Variants in NAA60 observed in about 807,000 individuals in gnomAD.
NAA60 encodes the protein N-alpha-acetyltransferase 60, NatF catalytic subunit, also known as N-alpha-acetyltransferase 60.
In NAA60, 8 loss-of-function variants were observed where a neutral mutation model predicts 26.1. That is an observed-to-expected ratio of 0.31 (90% confidence interval 0.18 to 0.55). The LOEUF is 0.55. Among genes scored for constraint, NAA60 ranks in the 20% least tolerant of loss-of-function variants. The pLI is 0.93. For missense variants in NAA60, 290 were observed against 311.3 expected (o/e 0.93, Z 0.51); for synonymous variants, 131 against 122.5 (o/e 1.07, Z -0.46).
intron 2 of NAA60, among the ~76,000 whole-genome samples, chr16:3,452,851 A>G (rs1236711800): frequency 2.6e-5 from 4 of 151,940 alleles, no homozygotes; most frequent in African/African-American, 7.3e-5. Context: ...GCTACTGGGG[A>G]GGCTGAGGTG....
rs995429949 is a variant in NAA60 at position 3,477,404 on chromosome 16, C to T, written c.110+1067C>T. ...TGTTCACCTCAGACTGACTGAACCTCATGCTCTTGGCAGGGCGGTGGCAGG... is the reference window on the plus strand; with the variant it reads ...TGTTCACCTCAGACTGACTGAACCTTATGCTCTTGGCAGGGCGGTGGCAGG... On this transcript the variant is annotated intron_variant, in intron 3 of 7. Coordinates refer to ENST00000407558, the MANE Select transcript of NAA60 (RefSeq NM_001083601.3). 2.6e-5 allele frequency among the ~76,000 whole-genome samples: 4 copies of T among 152,252 alleles called. No individual in the cohort carries two copies. In the East Asian group the frequency reaches 5.8e-4, roughly 22 times the overall value.
intron 2 of NAA60, among the ~76,000 whole-genome samples, chr16:3,457,744 G>T (rs1165340934): frequency 6.6e-6 from 1 of 152,164 alleles, no homozygotes; most frequent in African/African-American, 2.4e-5. Flanking sequence ...GCGGGACCTC[G>T]GCCCGGAAAC....
At chr16:3,448,583 A>G (rs779603801) in intron 2 of NAA60, 43 bp downstream of exon 2, 494 of 1,483,084 alleles carry the variant, frequency 3.3e-4, no homozygotes, top group Non-Finnish European at 4.2e-4. Flanking sequence ...TGATGCCCTC[A>G]TAGTCAGAGG....
chr16:3,481,574 T>G (rs944846621), intron 4 of NAA60, among the ~76,000 whole-genome samples: 11 of 152,164 alleles, frequency 7.2e-5, no homozygotes, highest in Non-Finnish European at 4.4e-5. Flanking sequence ...ATGGGGACCC[T>G]TTGGCTCATG....
Position 3,463,703 on chromosome 16 carries a change from T to TA in NAA60, c.-6-12503dup, listed in dbSNP as rs200567821. Among the ~76,000 whole-genome samples the TA allele has an allele frequency of 4.3e-3, 622 of 144,332 alleles. 1 individual carries two copies. The highest frequency in any genetic ancestry group is 0.012 in the African/African-American group (458 of 38,812). The allele number at this position is 144,332 out of a possible 152,430, so 94.7% of individuals were successfully genotyped here. On this transcript the variant is annotated intron_variant, in intron 2 of 7. Transcript: ENST00000407558. ...AACATAGGGAGACCCAGTCTCTACT[T>TA]AAAAAAAAAAAAAAAATTCAACCTA...
chr16:3,473,817 C>A (rs575730478), intron 2 of NAA60, among the ~76,000 whole-genome samples: 1 of 152,150 alleles, frequency 6.6e-6, no homozygotes, highest in African/African-American at 2.4e-5. Flanking sequence ...TCACTGCAAC[C>A]TCTGCTTCTT....
At chr16:3,471,083 C>G (rs2036109289) in intron 2 of NAA60, among the ~76,000 whole-genome samples, 1 of 152,166 alleles carries the variant, frequency 6.6e-6, no homozygotes, top group Non-Finnish European at 1.5e-5. Context: ...TCTTGAAATT[C>G]ACACTGGAAA....
In NAA60 at chr16:3,482,470, G is replaced by A. The variant is rs375843400; in HGVS notation, c.241-32G>A. 867 of 1,542,866 alleles carry A rather than the reference G, an allele frequency of 5.6e-4. 1 individual carries two copies. The highest frequency in any genetic ancestry group is 5.6e-4 in the Non-Finnish European group (631 of 1,132,426). On this transcript the variant is annotated intron_variant, in intron 4 of 7. Transcript: ENST00000407558. Reference sequence around the variant, plus strand: ...GCAGTGAGCCGTGCACCAGACGTGTGAGCCTGACTTTCTCTCTGACTCTTC... The same window carrying A: ...GCAGTGAGCCGTGCACCAGACGTGTAAGCCTGACTTTCTCTCTGACTCTTC...
chr16:3,483,824 C>T (rs1020137432), intron 6 of NAA60: 2 of 546,484 alleles, frequency 3.7e-6, no homozygotes, highest in Admixed American at 7.1e-5. Context: ...AACTCCTAAG[C>T]TCAAATGATC....
intron 2 of NAA60, among the ~76,000 whole-genome samples, chr16:3,470,320 C>G (rs1183034490): frequency 6.6e-6 from 1 of 152,234 alleles, no homozygotes; most frequent in Admixed American, 6.5e-5. Context: ...AGGTACACCT[C>G]CCAGCCTGTA....
chr16:3,478,075 A>T lies in NAA60; in HGVS notation c.111-1396A>T, dbSNP rs911939834. 2.3e-4 allele frequency among the ~76,000 whole-genome samples: 35 copies of T among 149,484 alleles called. 2 individuals are homozygous for T. On this transcript the variant is annotated intron_variant, in intron 3 of 7. Coordinates refer to ENST00000407558, the MANE Select transcript of NAA60 (RefSeq NM_001083601.3). ...GAGACTCTGTCTCAAAATAATAATA[A>T]TAATAATAATAATAAATAGGCCTGG...
At chr16:3,449,335 G>C (rs925758099) in intron 2 of NAA60, among the ~76,000 whole-genome samples, 1 of 152,110 alleles carries the variant, frequency 6.6e-6, no homozygotes, top group African/African-American at 2.4e-5. Flanking sequence ...TGGCTAACAC[G>C]GTGAAACCCC....
In NAA60 at chr16:3,461,904, A is replaced by G. The variant is rs2035422023; in HGVS notation, c.-7+13364A>G. The stretch of plus-strand genomic sequence containing the variant: ...CAAGTTCGAGAGCGGCCTGGGCAAC[A>G]TAGCAAAACTCCATCTCTAAAAAAA... On this transcript the variant is annotated intron_variant, in intron 2 of 7. Transcript: ENST00000407558. Among the ~76,000 whole-genome samples, 2 of 152,218 alleles carry G rather than the reference A, an allele frequency of 1.3e-5. 1 individual carries two copies. Among genetic ancestry groups the G allele is most frequent in the Non-Finnish European group, 2.9e-5 (2 of 68,010 alleles).
intron 2 of NAA60, among the ~76,000 whole-genome samples, chr16:3,453,863 C>T (rs1247717706): frequency 6.6e-6 from 1 of 152,162 alleles, no homozygotes; most frequent in Non-Finnish European, 1.5e-5. Context: ...CCCTGCTCTC[C>T]TCCCACCCCA....
At chr16:3,460,996 G>T (rs1473200888) in intron 2 of NAA60, among the ~76,000 whole-genome samples, 3 of 152,052 alleles carry the variant, frequency 2.0e-5, no homozygotes, top group Admixed American at 6.6e-5. Flanking sequence ...TCAAATTCCT[G>T]GCCTCAAGCC....
chr16:3,475,639 CTCTT>C (rs1460603458), intron 2 of NAA60, among the ~76,000 whole-genome samples: 2 of 152,214 alleles, frequency 1.3e-5, no homozygotes, highest in Non-Finnish European at 2.9e-5. Flanking sequence ...CCCCCAAAGT[CTCTT>C]TCTTTCCGCC....
At position 3,486,941 on chromosome 16, in the gene NAA60, G is replaced by A. The variant is rs925208203; in HGVS notation, c.*1681G>A. The A allele has an allele frequency of 6.6e-6, 1 of 152,544 alleles. No individual in the cohort carries two copies. Among genetic ancestry groups the A allele is most frequent in the Non-Finnish European group, 1.5e-5 (1 of 68,088 alleles). 9.4% of individuals were successfully genotyped at this position (152,544 alleles called of 1,614,324 possible). Reference sequence around the variant, plus strand: ...CTGTCTCATTACGAGCAAATAAATAGACTTTCATTGGAGTTCGTCACATCC... The same window carrying A: ...CTGTCTCATTACGAGCAAATAAATAAACTTTCATTGGAGTTCGTCACATCC... On this transcript the variant is annotated 3_prime_UTR_variant, in exon 8 of 8. Coordinates refer to ENST00000407558, the MANE Select transcript of NAA60 (RefSeq NM_001083601.3).
At chr16:3,471,542 T>G (rs542064239) in intron 2 of NAA60, among the ~76,000 whole-genome samples, 33 of 152,100 alleles carry the variant, frequency 2.2e-4, no homozygotes, top group Middle Eastern at 6.8e-3. Context: ...AACGTTTTCG[T>G]CCCCTCAGGA....
intron 5 of NAA60, 67 bp from the exon 6 acceptor site, chr16:3,483,296 A>G: frequency 1.7e-6 from 2 of 1,208,106 alleles, no homozygotes; most frequent in Non-Finnish European, 2.4e-6. Context: ...CAAAGCCCCC[A>G]TCCTAGCCCA....
Sources: gnomAD v4.1 joint callset for allele counts (sites outside exome capture counted in the v4.1 genomes callset) on GRCh38, gnomAD v4.1.1 for gene constraint, MANE v1.5 for transcripts, NCBI Gene and HGNC (gene_info 2026-07-23, HGNC 2026-07-21) for gene names.